The following ZBTB20 variants were observed in gnomAD, a reference collection of about 807,000 sequenced individuals.
The protein encoded by ZBTB20 is zinc finger and BTB domain-containing protein 20.
ZBTB20 carries 9 observed loss-of-function variants against 56.9 expected under a neutral mutation model. The ratio of observed to expected loss-of-function variants is 0.16; its 90% confidence interval spans 0.10 to 0.28. The LOEUF is 0.28. ZBTB20 is among the 10% of genes least tolerant of loss of function. The probability of loss-of-function intolerance (pLI) is 1.00; values close to 1 mark genes in which losing one functional copy is unlikely to be tolerated. For missense variants in ZBTB20, 655 were observed against 1,003.0 expected (o/e 0.65, Z 4.69); for synonymous variants, 417 against 420.7 (o/e 0.99, Z 0.11).
intron 1 of ZBTB20, among the ~76,000 whole-genome samples, chr3:115,125,820 T>A (rs556011589): frequency 6.6e-6 from 1 of 152,338 alleles, no homozygotes; most frequent in Non-Finnish European, 1.5e-5. Flanking sequence ...TTAATGCACA[T>A]AATTGTTGTC....
chr3:115,085,436 C>G (rs2082950644), intron 1 of ZBTB20, among the ~76,000 whole-genome samples: 1 of 151,898 alleles, frequency 6.6e-6, no homozygotes, highest in African/African-American at 2.4e-5. Context: ...TTCAGGCCAC[C>G]AGGGAACCTA....
intron 1 of ZBTB20, among the ~76,000 whole-genome samples, chr3:115,083,360 T>C (rs780589898): frequency 7.2e-5 from 11 of 152,032 alleles, no homozygotes; most frequent in Non-Finnish European, 1.6e-4. Flanking sequence ...TATATCTATA[T>C]AGTCTTTCTG....
chr3:114,330,252 A>G lies in ZBTB20; in HGVS notation c.*8753T>C, dbSNP rs2079202512. ...GATAATATAAAAAGCAAATTAGAGC[A>G]CTAATGATTATTACTAGATGCACCA... is the stretch of plus-strand genomic sequence containing the variant. On this transcript the variant is annotated 3_prime_UTR_variant, in exon 12 of 12. Coordinates refer to ENST00000675478, the MANE Select transcript of ZBTB20 (RefSeq NM_001348800.3). 1 of 152,254 alleles carries G rather than the reference A, an allele frequency of 6.6e-6. No homozygotes were observed. The highest frequency in any genetic ancestry group is 2.4e-5 in the African/African-American group (1 of 41,468). 9.4% of individuals were successfully genotyped at this position (152,254 alleles called of 1,614,324 possible).
chr3:114,748,007 T>C (rs567714366), intron 5 of ZBTB20, among the ~76,000 whole-genome samples: 8 of 151,872 alleles, frequency 5.3e-5, no homozygotes, highest in African/African-American at 7.3e-5. Flanking sequence ...ATAAAACTTA[T>C]TGAATTTTCA....
intron 5 of ZBTB20, among the ~76,000 whole-genome samples, chr3:114,790,131 G>T (rs563296569): frequency 6.6e-6 from 1 of 152,216 alleles, no homozygotes; most frequent in Admixed American, 6.5e-5. Flanking sequence ...TGCTGCAGAA[G>T]TTGCAATACA....
intron 6 of ZBTB20, among the ~76,000 whole-genome samples, chr3:114,514,358 C>G (rs918605008): frequency 1.3e-5 from 2 of 152,102 alleles, no homozygotes; most frequent in Non-Finnish European, 2.9e-5. Context: ...TCCACTCAAG[C>G]AAGTAAAGGA....
chr3:114,834,656 C>A (rs1252776616), intron 4 of ZBTB20, among the ~76,000 whole-genome samples: 1 of 152,026 alleles, frequency 6.6e-6, no homozygotes, highest in Non-Finnish European at 1.5e-5. Flanking sequence ...CACCTTTCCA[C>A]CCTTGTTCTC....
At chr3:114,357,984 T>G (rs748083565) in intron 10 of ZBTB20, among the ~76,000 whole-genome samples, 7 of 152,220 alleles carry the variant, frequency 4.6e-5, no homozygotes, top group Non-Finnish European at 8.8e-5. Flanking sequence ...GACAGACATA[T>G]AGTTTACAAC....
intron 5 of ZBTB20, among the ~76,000 whole-genome samples, chr3:114,764,513 A>C (rs2068652071): frequency 6.6e-6 from 1 of 152,180 alleles, no homozygotes; most frequent in South Asian, 2.1e-4. Flanking sequence ...CTGGATGTGC[A>C]CATTACCTTA....
chr3:114,522,003 T>C (rs2046693643), intron 6 of ZBTB20, among the ~76,000 whole-genome samples: 1 of 151,722 alleles, frequency 6.6e-6, no homozygotes, highest in African/African-American at 2.4e-5. Context: ...GCACTGAGGA[T>C]TTCTTAGAGC....
At chr3:115,100,581 G>C (rs756677981) in intron 1 of ZBTB20, 15 of 152,176 alleles carry the variant, frequency 9.9e-5, no homozygotes, top group African/African-American at 3.4e-4. Context: ...CAGACTAACA[G>C]AGTGAAAAAG....
At chr3:114,597,522 G>T (rs951975568) in intron 6 of ZBTB20, among the ~76,000 whole-genome samples, 18 of 152,136 alleles carry the variant, frequency 1.2e-4, no homozygotes, top group African/African-American at 3.4e-4. Context: ...TTAGAATATG[G>T]CTTGTTTGTG....
At chr3:114,621,845 C>CA (rs769504285) in intron 6 of ZBTB20, among the ~76,000 whole-genome samples, 8 of 152,070 alleles carry the variant, frequency 5.3e-5, no homozygotes, top group African/African-American at 1.9e-4. Context: ...CATTGAAGCA[C>CA]AAAAAATACA....
chr3:115,080,614 G>C (rs2108539043), intron 1 of ZBTB20, among the ~76,000 whole-genome samples: 1 of 152,112 alleles, frequency 6.6e-6, no homozygotes, highest in Admixed American at 6.5e-5. Context: ...AAAGCCAAAA[G>C]GAAAATTAGA....
rs2054576363 is a variant in ZBTB20, at chr3:114,580,871, C to T, written c.-294-80480G>A. ...CACATTATAAAAATGTCAATTCTCCCCAGATTATTTTCTAATGTTAATGTA... is the reference window on the plus strand; with the variant it reads ...CACATTATAAAAATGTCAATTCTCCTCAGATTATTTTCTAATGTTAATGTA... On this transcript the variant is annotated intron_variant, in intron 6 of 11. Transcript: ENST00000675478. Among the ~76,000 whole-genome samples the T allele has an allele frequency of 2.0e-5, 3 of 151,872 alleles. No homozygotes were observed. The East Asian group carries it at 5.8e-4, about 29-fold the overall frequency.
chr3:114,810,615 C>A (rs1276520875), intron 4 of ZBTB20, among the ~76,000 whole-genome samples: 1 of 152,204 alleles, frequency 6.6e-6, no homozygotes, highest in Non-Finnish European at 1.5e-5. Flanking sequence ...CCCAACATAA[C>A]TTTTAATTTG....
Position 114,350,847 on chromosome 3 carries a change from G to C in ZBTB20, c.1231C>G (p.Gln411Glu). 3.1e-6 allele frequency: 5 copies of C among 1,611,794 alleles called. No homozygotes were observed. Among genetic ancestry groups the C allele is most frequent in the Non-Finnish European group, 4.2e-6 (5 of 1,180,020 alleles). ...DSQAEPTQPE[Q>E]AAEAPAEGGP... ...CCCTCAGCGGGGGCTTCTGCAGCCT[G>C]CTCGGGTTGGGTGGGTTCAGCCTGG... is the stretch of plus-strand genomic sequence containing the variant. Residue 411 changes from glutamine (Q) to glutamate (E), a missense_variant, in exon 11 of 12, where the codon CAG becomes GAG. Physicochemically the swap from Gln to Glu is conservative, Grantham distance 29. Coordinates refer to ENST00000675478, the MANE Select transcript of ZBTB20 (RefSeq NM_001348800.3).
chr3:114,662,001 C>T (rs1043322707), intron 6 of ZBTB20, among the ~76,000 whole-genome samples: 4 of 150,862 alleles, frequency 2.7e-5, no homozygotes, highest in African/African-American at 9.8e-5. Flanking sequence ...TGCACTGCAC[C>T]CACTAACTCG....
chr3:114,322,388 A>T lies in ZBTB20; in HGVS notation c.*16617T>A, dbSNP rs557563350. 1.3e-5 allele frequency: 2 copies of T among 152,358 alleles called. No individual in the cohort carries two copies. The highest frequency in any genetic ancestry group is 3.9e-4 in the East Asian group (2 of 5,184). The allele number at this position is 152,358 out of a possible 1,614,324, so 9.4% of individuals were successfully genotyped here. Reference sequence around the variant, plus strand: ...CTCCTGTAAATACCATTGTGAACAGAAGGAAAACCATAGTGTAATCCCTTG... The same window carrying T: ...CTCCTGTAAATACCATTGTGAACAGTAGGAAAACCATAGTGTAATCCCTTG... On this transcript the variant is annotated 3_prime_UTR_variant, in exon 12 of 12. Transcript: ENST00000675478.
Sources: allele counts gnomAD v4.1 joint callset (sites outside exome capture counted in the v4.1 genomes callset), GRCh38; gene constraint gnomAD v4.1.1; transcripts MANE v1.5; gene names NCBI Gene and HGNC (gene_info 2026-07-23, HGNC 2026-07-21).